Variants in NCOA1 observed in about 807,000 individuals in gnomAD.
NCOA1 encodes Hin-2 protein.
NCOA1 carries 35 observed loss-of-function variants against 150.9 expected under a neutral mutation model. The observed-to-expected ratio is 0.23, with a 90% CI of 0.18 to 0.31. The LOEUF (loss-of-function observed/expected upper bound fraction) is 0.31, where lower values mean the gene tolerates loss of function less well. NCOA1 is among the 10% of genes least tolerant of loss of function. The pLI is 1.00. For missense variants in NCOA1, 1,491 were observed against 1,749.3 expected, an observed-to-expected ratio of 0.85 and a Z score of 2.63; for synonymous variants, 590 against 630.0, an observed-to-expected ratio of 0.94 and a Z score of 0.95.
chr2:24,700,952 T>G (rs1389606526), intron 11 of NCOA1, among the ~76,000 whole-genome samples: 1 of 152,228 alleles, frequency 6.6e-6, no homozygotes. Flanking sequence ...TTAGGTGATT[T>G]ATAAGATATA....
rs1460970343 is a variant in NCOA1, at chr2:24,741,838, C to G, written c.3358C>G (p.Gln1120Glu). 1 of 1,614,092 alleles carries G rather than the reference C, an allele frequency of 6.2e-7. No individual in the cohort carries two copies. Among genetic ancestry groups the G allele is most frequent in the Admixed American group, 1.7e-5 (1 of 60,002 alleles). The change falls in exon 19 of 23, where the codon CAG becomes GAG. Residue 1120 changes from glutamine to glutamate, a missense_variant. Gln to Glu is a conservative substitution (Grantham distance 29, BLOSUM62 2). Around this residue, in one of 8 missense-constraint regions of NCOA1, gnomAD observed 485 missense variants for 522.8 expected, o/e 0.93. Transcript: ENST00000348332. ...AQRQRELYSQQHRQRQLIQQQ... is the reference protein window; with the variant it reads ...AQRQRELYSQEHRQRQLIQQQ... ...ACGTCAGCGGGAACTGTACAGTCAA[C>G]AGCACCGACAGAGGCAGCTAATACA...
intron 6 of NCOA1, 61 bp downstream of exon 6, chr2:24,665,976 T>C: frequency 1.0e-6 from 1 of 1,003,828 alleles, no homozygotes; most frequent in Middle Eastern, 3.2e-4. Flanking sequence ...TTATAATATG[T>C]GATTTTACTT....
rs148122475 is a variant in NCOA1 at position 24,683,079 on chromosome 2, C to T, written c.483C>T (p.His161=). 16 of 1,588,734 alleles carry T rather than the reference C, an allele frequency of 1.0e-5. No homozygotes were observed. Among genetic ancestry groups the T allele is most frequent in the African/African-American group, 1.4e-5 (1 of 73,924 alleles). ...ATACGAGCGTCTACAGCATACTGCA[C>T]GTGGGGGATCATGCAGAATTTGTGA... is the stretch of plus-strand genomic sequence containing the variant. ...LMNTSVYSIL[H]VGDHAEFVKN... is the part of the protein sequence containing the mutation. The change falls in exon 8 of 23, where the codon CAC becomes CAT. Residue 161 remains histidine, a synonymous_variant. Coordinates refer to ENST00000348332, the MANE Select transcript of NCOA1 (RefSeq NM_003743.5).
chr2:24,697,436 T>A (rs1672956334), intron 10 of NCOA1, among the ~76,000 whole-genome samples: 1 of 152,178 alleles, frequency 6.6e-6, no homozygotes, highest in Non-Finnish European at 1.5e-5. Flanking sequence ...GAATTGAATT[T>A]TAGAATATGA....
intron 1 of NCOA1, among the ~76,000 whole-genome samples, chr2:24,513,636 G>C (rs1664030797): frequency 6.6e-6 from 1 of 152,184 alleles, no homozygotes; most frequent in South Asian, 2.1e-4. Context: ...TTGCGTATAG[G>C]ATTGGAATCT....
At chr2:24,669,115 A>C (rs1671572518) in intron 6 of NCOA1, among the ~76,000 whole-genome samples, 1 of 152,212 alleles carries the variant, frequency 6.6e-6, no homozygotes, top group Admixed American at 6.5e-5. Context: ...GTAGCATGTC[A>C]GTAGGTTATG....
At chr2:24,514,663 G>A (rs1260829500) in intron 1 of NCOA1, among the ~76,000 whole-genome samples, 2 of 151,918 alleles carry the variant, frequency 1.3e-5, no homozygotes, top group Admixed American at 6.6e-5. Context: ...CTAGCCGATT[G>A]TGTTGGTGTG....
intron 1 of NCOA1, among the ~76,000 whole-genome samples, chr2:24,540,333 G>C (rs576101242): frequency 6.6e-6 from 1 of 152,266 alleles, no homozygotes; most frequent in South Asian, 2.1e-4. Context: ...ACAAGAGTAG[G>C]CATTTATTTA....
At chr2:24,671,131 T>C (rs1353595458) in intron 6 of NCOA1, among the ~76,000 whole-genome samples, 2 of 152,202 alleles carry the variant, frequency 1.3e-5, no homozygotes, top group Non-Finnish European at 2.9e-5. Flanking sequence ...GACCTACCAG[T>C]AGGGGAATAG....
In NCOA1 at chr2:24,769,328, C is replaced by T; in HGVS notation, c.*937C>T. ...TGATTTCCTTCTGTTTAATTTTATGCTTTTATTATACTCTTGATTTTTCTA... is the reference window on the plus strand; with the variant it reads ...TGATTTCCTTCTGTTTAATTTTATGTTTTTATTATACTCTTGATTTTTCTA... On this transcript the variant is annotated 3_prime_UTR_variant, in exon 23 of 23. Transcript: ENST00000348332. 5.3e-6 allele frequency: 1 copy of T among 187,422 alleles called. No homozygotes were observed. Among genetic ancestry groups the T allele is most frequent in the African/African-American group, 2.3e-5 (1 of 42,810 alleles). The allele number at this position is 187,422 out of a possible 1,614,324, so 11.6% of individuals were successfully genotyped here. A position where few individuals can be genotyped will look rare whatever the true frequency, so the allele number is the denominator to read the frequency against.
At chr2:24,566,451 G>T (rs971769058) in intron 2 of NCOA1, among the ~76,000 whole-genome samples, 1 of 152,170 alleles carries the variant, frequency 6.6e-6, no homozygotes, top group Non-Finnish European at 1.5e-5. Flanking sequence ...CTCCACAGCT[G>T]GTCATCCTAT....
intron 4 of NCOA1, among the ~76,000 whole-genome samples, chr2:24,653,827 A>G (rs1211674033): frequency 6.6e-6 from 1 of 152,194 alleles, no homozygotes. Flanking sequence ...CTGAACATGA[A>G]GTAAGCGTTA....
intron 4 of NCOA1, among the ~76,000 whole-genome samples, chr2:24,655,370 A>G (rs1670888818): frequency 6.6e-6 from 1 of 152,238 alleles, no homozygotes; most frequent in Non-Finnish European, 1.5e-5. Context: ...TGATATATAT[A>G]ACATAATTTT....
At chr2:24,749,461 A>G (rs1312135144) in intron 19 of NCOA1, among the ~76,000 whole-genome samples, 1 of 152,246 alleles carries the variant, frequency 6.6e-6, no homozygotes, top group East Asian at 1.9e-4. Flanking sequence ...AAGGCCAGAG[A>G]AAACCACCTG....
chr2:24,652,230 A>G (rs1031262672), intron 4 of NCOA1, among the ~76,000 whole-genome samples: 5 of 152,206 alleles, frequency 3.3e-5, no homozygotes, highest in South Asian at 2.1e-4. Flanking sequence ...TGAAGTCCCT[A>G]TCCTTCCTTA....
intron 17 of NCOA1, among the ~76,000 whole-genome samples, chr2:24,731,156 A>C (rs761455376): frequency 3.3e-5 from 5 of 152,088 alleles, no homozygotes; most frequent in Non-Finnish European, 5.9e-5. Flanking sequence ...GAATTTTTAT[A>C]AAAGTATTTA....
At chr2:24,747,124 C>G (rs963658437) in intron 19 of NCOA1, among the ~76,000 whole-genome samples, 1 of 151,758 alleles carries the variant, frequency 6.6e-6, no homozygotes, top group African/African-American at 2.4e-5. Context: ...ACAAAACAAA[C>G]CACAAAAAAG....
intron 3 of NCOA1, among the ~76,000 whole-genome samples, chr2:24,594,250 T>G (rs970654173): frequency 1.3e-5 from 2 of 152,160 alleles, no homozygotes; most frequent in Non-Finnish European, 2.9e-5. Context: ...TAATTTATAA[T>G]AAAACATACG....
At chr2:24,613,247 C>T (rs1214659641) in intron 3 of NCOA1, among the ~76,000 whole-genome samples, 2 of 152,118 alleles carry the variant, frequency 1.3e-5, no homozygotes, top group African/African-American at 2.4e-5. Flanking sequence ...ATGGCGCTTA[C>T]GGGTAAGATC....
Sources: allele counts gnomAD v4.1 joint callset (sites outside exome capture counted in the v4.1 genomes callset), GRCh38; gene constraint gnomAD v4.1.1; regional missense constraint gnomAD v4.1.1; transcripts MANE v1.5; gene names NCBI Gene and HGNC (gene_info 2026-07-23, HGNC 2026-07-21).